The following ACOXL variants were observed in gnomAD, a reference collection of about 807,000 sequenced individuals.
ACOXL encodes the protein acyl-coenzyme A oxidase-like protein.
In ACOXL, 70 loss-of-function variants were observed where a neutral mutation model predicts 71.9. That is an observed-to-expected ratio of 0.97 (90% confidence interval 0.80 to 1.19). The LOEUF is 1.19. Ranked by LOEUF, ACOXL falls within the 50% of genes most tolerant of loss-of-function variation. The pLI is 0.00. For synonymous variants in ACOXL, 253 were observed against 281.6 expected (o/e 0.90, Z 1.02); for missense variants, 703 against 736.3 (o/e 0.95, Z 0.52).
chr2:111,026,655 C>T (rs2065028629), intron 14 of ACOXL, among the ~76,000 whole-genome samples: 1 of 151,952 alleles, frequency 6.6e-6, no homozygotes, highest in Non-Finnish European at 1.5e-5. Flanking sequence ...TTTTGTATAT[C>T]AATCTTGTAC....
intron 10 of ACOXL, among the ~76,000 whole-genome samples, chr2:110,895,272 T>C (rs1487625534): frequency 1.3e-5 from 2 of 151,686 alleles, no homozygotes; most frequent in African/African-American, 4.8e-5. Flanking sequence ...TATATTAACC[T>C]AAAGGAAAAA....
At chr2:110,880,158 A>C (rs1177880237) in intron 10 of ACOXL, among the ~76,000 whole-genome samples, 2 of 149,714 alleles carry the variant, frequency 1.3e-5, no homozygotes, top group African/African-American at 2.4e-5. Flanking sequence ...ACAAACAAAA[A>C]AAAAAAAAAA....
intron 10 of ACOXL, among the ~76,000 whole-genome samples, chr2:110,867,149 GA>G (rs1694709552): frequency 6.6e-6 from 1 of 152,182 alleles, no homozygotes; most frequent in Non-Finnish European, 1.5e-5. Flanking sequence ...GGTGCGACTG[GA>G]GAATAAGGCC....
At chr2:110,779,839 C>A (rs1409237534) in intron 2 of ACOXL, among the ~76,000 whole-genome samples, 1 of 152,162 alleles carries the variant, frequency 6.6e-6, no homozygotes, top group African/African-American at 2.4e-5. Context: ...AACAGAGACT[C>A]AAAAATTACT....
chr2:111,039,620 A>G (rs1558899989), intron 15 of ACOXL, among the ~76,000 whole-genome samples: 1 of 152,242 alleles, frequency 6.6e-6, no homozygotes, highest in Non-Finnish European at 1.5e-5. Context: ...GAATTTTTAT[A>G]TAACATTAGT....
chr2:110,734,344 A>G (rs1358326691), intron 1 of ACOXL, among the ~76,000 whole-genome samples: 2 of 151,556 alleles, frequency 1.3e-5, no homozygotes, highest in African/African-American at 4.9e-5. Context: ...ATCTCAGCTC[A>G]CTGCAACCTC....
chr2:110,980,955 C>T (rs1363177082), intron 12 of ACOXL, among the ~76,000 whole-genome samples: 1 of 152,214 alleles, frequency 6.6e-6, no homozygotes, highest in Admixed American at 6.5e-5. Flanking sequence ...GACATGCTGT[C>T]TGCTCTTGCC....
intron 16 of ACOXL, among the ~76,000 whole-genome samples, chr2:111,067,674 G>C (rs2067138612): frequency 6.6e-6 from 1 of 152,228 alleles, no homozygotes. Flanking sequence ...GGTGCAATGG[G>C]TGGTTGCTTT....
chr2:111,006,600 C>T (rs1485673567), intron 14 of ACOXL, among the ~76,000 whole-genome samples: 2 of 151,814 alleles, frequency 1.3e-5, no homozygotes, highest in Non-Finnish European at 2.9e-5. Flanking sequence ...GCTCTGTCAC[C>T]CAGGCTGGAG....
At chr2:110,748,908 A>G (rs1181209586) in intron 1 of ACOXL, among the ~76,000 whole-genome samples, 3 of 152,240 alleles carry the variant, frequency 2.0e-5, no homozygotes, top group Non-Finnish European at 2.9e-5. Flanking sequence ...AGAATGCTGT[A>G]GGGAATTATC....
intron 12 of ACOXL, among the ~76,000 whole-genome samples, chr2:110,958,421 G>A (rs1055114486): frequency 2.0e-5 from 3 of 152,208 alleles, no homozygotes; most frequent in Non-Finnish European, 4.4e-5. Context: ...TATTGGTTCA[G>A]GGGCCCTCAT....
chr2:111,002,203 A>G (rs747517849), intron 14 of ACOXL, among the ~76,000 whole-genome samples: 4 of 152,218 alleles, frequency 2.6e-5, no homozygotes, highest in Non-Finnish European at 5.9e-5. Flanking sequence ...ATCTGAGCCA[A>G]CCATGCAACC....
At chr2:110,829,392 G>T (rs73956476) in intron 9 of ACOXL, among the ~76,000 whole-genome samples, 8,034 of 152,216 alleles carry the variant, frequency 0.053, 553 homozygotes, top group East Asian at 0.14. Context: ...TCCCTTAGCT[G>T]TGTCTCTTGA....
intron 11 of ACOXL, among the ~76,000 whole-genome samples, chr2:110,914,357 A>G (rs1558719796): frequency 6.6e-6 from 1 of 152,200 alleles, no homozygotes; most frequent in Non-Finnish European, 1.5e-5. Flanking sequence ...AATGAAGATG[A>G]TGTATCTCTT....
At chr2:110,876,242 T>C (rs1276952669) in intron 10 of ACOXL, among the ~76,000 whole-genome samples, 2 of 152,116 alleles carry the variant, frequency 1.3e-5, no homozygotes, top group African/African-American at 4.8e-5. Flanking sequence ...TGGCAGGTTT[T>C]TTCTTGAGGA....
intron 10 of ACOXL, among the ~76,000 whole-genome samples, chr2:110,903,648 A>T (rs1167485755): frequency 1.3e-5 from 2 of 152,202 alleles, no homozygotes; most frequent in African/African-American, 4.8e-5. Flanking sequence ...GAGGAAAAGG[A>T]TGGGAAGAAT....
chr2:110,897,837 A>G lies in ACOXL; in HGVS notation c.789-10952A>G, dbSNP rs575763327. Among the ~76,000 whole-genome samples the G allele has an allele frequency of 7.9e-5, 12 of 152,320 alleles. No homozygotes were observed. The East Asian group carries it at 2.1e-3, about 27-fold the overall frequency. Reference sequence around the variant, plus strand: ...TTTGAAAAGATTAATAAAATTGACAAACGTTTTGACAGTGAGACTGTCAAA... The same window carrying G: ...TTTGAAAAGATTAATAAAATTGACAGACGTTTTGACAGTGAGACTGTCAAA... On this transcript the variant is annotated intron_variant, in intron 10 of 17. Transcript: ENST00000439055.
Position 110,968,153 on chromosome 2 carries a change from G to A in ACOXL, c.1060-18955G>A, listed in dbSNP as rs562719275. The A allele has an allele frequency of 4.7e-5, 60 of 1,286,482 alleles. 1 individual carries two copies. Among genetic ancestry groups the A allele is most frequent in the East Asian group, 2.8e-4 (12 of 43,438 alleles). The allele number at this position is 1,286,482 out of a possible 1,614,324, so 79.7% of individuals were successfully genotyped here. ...TATTGTACTGGCCTGCTGCTGGCCC[G>A]CAGGCTTCTCAATAGGTTTGGCACA... On this transcript the variant is annotated intron_variant, in intron 12 of 17. Transcript: ENST00000439055.
intron 12 of ACOXL, among the ~76,000 whole-genome samples, chr2:110,965,459 C>T (rs1246482808): frequency 6.6e-6 from 1 of 152,140 alleles, no homozygotes; most frequent in Non-Finnish European, 1.5e-5. Flanking sequence ...AATTTACCTT[C>T]CCACCAACAG....
Sources: gnomAD v4.1 joint callset for allele counts (sites outside exome capture counted in the v4.1 genomes callset) on GRCh38, gnomAD v4.1.1 for gene constraint, MANE v1.5 for transcripts, NCBI Gene and HGNC (gene_info 2026-07-23, HGNC 2026-07-21) for gene names.